ATF6: variants seen among roughly 807,000 people sequenced by gnomAD.
ATF6 encodes the protein activating transcription factor 6.
In ATF6, 53 loss-of-function variants were observed where a neutral mutation model predicts 83.6. The observed-to-expected ratio is 0.63, with a 90% confidence interval of 0.51 to 0.80. The LOEUF (loss-of-function observed/expected upper bound fraction) is 0.80, where lower values mean the gene tolerates loss of function less well. Ranked by LOEUF, ATF6 falls within the 30% of genes least tolerant of loss-of-function variation. The pLI is 0.00. For synonymous variants in ATF6, 288 were observed against 285.8 expected (o/e 1.01, Z -0.08); for missense variants, 744 against 797.9 (o/e 0.93, Z 0.81).
At chr1:161,879,377 A>G (rs777174213) in intron 14 of ATF6, among the ~76,000 whole-genome samples, 2 of 152,120 alleles carry the variant, frequency 1.3e-5, no homozygotes, top group Admixed American at 6.6e-5. Flanking sequence ...TTTAAAGTCA[A>G]ATCTCTGCAA....
intron 14 of ATF6, among the ~76,000 whole-genome samples, chr1:161,880,328 ATGTG>A (rs138587790): frequency 3.9e-4 from 57 of 148,016 alleles, no homozygotes; most frequent in African/African-American, 1.2e-3. Context: ...TGTGATATGT[ATGTG>A]TGTGTGTGTG....
intron 13 of ATF6, among the ~76,000 whole-genome samples, chr1:161,862,553 A>G (rs1686907039): frequency 6.6e-6 from 1 of 152,196 alleles, no homozygotes; most frequent in Non-Finnish European, 1.5e-5. Context: ...ATCAATGACT[A>G]GCAGTTGTTG....
intron 9 of ATF6, among the ~76,000 whole-genome samples, chr1:161,823,653 C>A (rs936060017): frequency 4.6e-5 from 7 of 152,138 alleles, no homozygotes; most frequent in Non-Finnish European, 1.0e-4. Flanking sequence ...TCATAAAAAT[C>A]TTTGATGTCC....
chr1:161,848,112 A>C (rs968972837), intron 10 of ATF6, among the ~76,000 whole-genome samples: 1 of 145,502 alleles, frequency 6.9e-6, no homozygotes, highest in South Asian at 2.1e-4. Context: ...GTCTTGGGGA[A>C]AAAAAAAAAC....
At chr1:161,836,746 T>C (rs1686227041) in intron 9 of ATF6, among the ~76,000 whole-genome samples, 1 of 152,326 alleles carries the variant, frequency 6.6e-6, no homozygotes, top group East Asian at 1.9e-4. Context: ...TAGGGAGGCT[T>C]ATAAGGAGCA....
At chr1:161,829,932 T>C (rs1686008327) in intron 9 of ATF6, among the ~76,000 whole-genome samples, 1 of 151,998 alleles carries the variant, frequency 6.6e-6, no homozygotes, top group South Asian at 2.1e-4. Flanking sequence ...CTATTCAACA[T>C]AGTGTTGGAA....
At position 161,800,583 on chromosome 1, in the gene ATF6, G is replaced by C. The variant is rs188957028; in HGVS notation, c.689-1469G>C. Reference sequence around the variant, plus strand: ...ATACAGTGAAAAAATAATGTGTGCAGAGTAACAAGGCAGGACAGTAGAATC... The same window carrying C: ...ATACAGTGAAAAAATAATGTGTGCACAGTAACAAGGCAGGACAGTAGAATC... On this transcript the variant is annotated intron_variant, in intron 6 of 15. Coordinates refer to ENST00000367942, the MANE Select transcript of ATF6 (RefSeq NM_007348.4). Among the ~76,000 whole-genome samples, 7 of 152,316 alleles carry C rather than the reference G, an allele frequency of 4.6e-5. No individual in the cohort carries two copies. The East Asian group carries it at 1.3e-3, about 29-fold the overall frequency.
At chr1:161,939,630 C>A (rs1368565228) in intron 15 of ATF6, among the ~76,000 whole-genome samples, 2 of 152,212 alleles carry the variant, frequency 1.3e-5, no homozygotes, top group African/African-American at 4.8e-5. Flanking sequence ...CTCTGCTGTT[C>A]TCAACATGCT....
At chr1:161,818,126 A>T (rs1284077350) in intron 7 of ATF6, among the ~76,000 whole-genome samples, 1 of 151,520 alleles carries the variant, frequency 6.6e-6, no homozygotes, top group Non-Finnish European at 1.5e-5. Context: ...AAGGAAATAG[A>T]TTACATTCTT....
chr1:161,947,021 C>CT (rs1230989782), intron 15 of ATF6, among the ~76,000 whole-genome samples: 1 of 152,224 alleles, frequency 6.6e-6, no homozygotes, highest in Admixed American at 6.5e-5. Context: ...GTAAGAATGA[C>CT]TGCTTCCATT....
chr1:161,885,667 TTCTG>T (rs1687404705), intron 14 of ATF6, among the ~76,000 whole-genome samples: 1 of 152,166 alleles, frequency 6.6e-6, no homozygotes, highest in African/African-American at 2.4e-5. Context: ...GCTAGTCGGC[TTCTG>T]TCTGATAAAA....
intron 6 of ATF6, among the ~76,000 whole-genome samples, chr1:161,798,042 C>T (rs1437033033): frequency 6.6e-6 from 1 of 152,068 alleles, no homozygotes; most frequent in Non-Finnish European, 1.5e-5. Flanking sequence ...TGGTCTTTAA[C>T]AAAAACAAAC....
rs1280021358 is a variant in ATF6, at chr1:161,962,489, C to A, written c.*3835C>A. The stretch of plus-strand genomic sequence containing the variant: ...CTATTTTTTGATTCTTGCCATTTTA[C>A]CAAGCTTAGGTTGTGAAACTTGACA... On this transcript the variant is annotated 3_prime_UTR_variant, in exon 16 of 16. Coordinates refer to ENST00000367942, the MANE Select transcript of ATF6 (RefSeq NM_007348.4). 1.3e-5 allele frequency: 2 copies of A among 152,162 alleles called. No homozygotes were observed. The highest frequency in any genetic ancestry group is 4.8e-5 in the African/African-American group (2 of 41,428). The allele number at this position is 152,162 out of a possible 1,614,324, so 9.4% of individuals were successfully genotyped here. A position where few individuals can be genotyped will look rare whatever the true frequency, so the allele number is the denominator to read the frequency against.
chr1:161,928,827 C>G (rs535058356), intron 15 of ATF6, among the ~76,000 whole-genome samples: 2 of 152,274 alleles, frequency 1.3e-5, no homozygotes, highest in Non-Finnish European at 2.9e-5. Context: ...GGCTTGAACT[C>G]AAACTAAGAT....
intron 4 of ATF6, among the ~76,000 whole-genome samples, chr1:161,787,523 C>T (rs1442889116): frequency 2.6e-5 from 4 of 152,206 alleles, no homozygotes; most frequent in South Asian, 2.1e-4. Context: ...CATGCCAGGC[C>T]GCCTGCCATA....
chr1:161,930,865 T>C (rs1012245537), intron 15 of ATF6, among the ~76,000 whole-genome samples: 2 of 152,134 alleles, frequency 1.3e-5, no homozygotes, highest in Non-Finnish European at 2.9e-5. Flanking sequence ...ATCTAAAACA[T>C]GTTCCTAAAA....
intron 14 of ATF6, among the ~76,000 whole-genome samples, chr1:161,889,160 A>G (rs1246944200): frequency 6.6e-6 from 1 of 152,224 alleles, no homozygotes; most frequent in Non-Finnish European, 1.5e-5. Flanking sequence ...AGGTATCCTA[A>G]TATGGCACAT....
intron 14 of ATF6, among the ~76,000 whole-genome samples, chr1:161,882,101 T>G (rs1229307718): frequency 6.6e-6 from 1 of 152,252 alleles, no homozygotes; most frequent in South Asian, 2.1e-4. Flanking sequence ...TTAGTTTTCT[T>G]TGTGTTATCC....
At chr1:161,955,129 A>G (rs542203221) in intron 15 of ATF6, among the ~76,000 whole-genome samples, 5 of 152,112 alleles carry the variant, frequency 3.3e-5, no homozygotes, top group Non-Finnish European at 7.3e-5. Flanking sequence ...CTTTCTCTTT[A>G]CTAGAGCCCT....
Sources: allele counts gnomAD v4.1 joint callset (sites outside exome capture counted in the v4.1 genomes callset), GRCh38; gene constraint gnomAD v4.1.1; transcripts MANE v1.5; gene names NCBI Gene and HGNC (gene_info 2026-07-23, HGNC 2026-07-21).